FER: variants seen among roughly 807,000 people sequenced by gnomAD.
The protein encoded by FER is tyrosine-protein kinase Fer.
FER carries 63 observed loss-of-function variants against 111.0 expected under a neutral mutation model. The observed-to-expected ratio is 0.57, with a 90% CI of 0.46 to 0.70. The LOEUF is 0.70. FER is among the 30% of genes least tolerant of loss of function. The probability of loss-of-function intolerance (pLI) is 0.00; values close to 1 mark genes in which losing one functional copy is unlikely to be tolerated. For synonymous variants in FER, 327 were observed against 313.9 expected (o/e 1.04, Z -0.44); for missense variants, 914 against 954.0 (o/e 0.96, Z 0.55).
intron 3 of FER, among the ~76,000 whole-genome samples, chr5:108,817,403 C>G (rs1055665026): frequency 1.4e-4 from 21 of 152,226 alleles, no homozygotes; most frequent in African/African-American, 5.1e-4. Context: ...TGTTGTTTCA[C>G]AGAACCATTT....
At chr5:109,052,117 T>C in intron 16 of FER, 1 of 1,605,220 alleles carries the variant, frequency 6.2e-7, no homozygotes, top group South Asian at 1.1e-5. Flanking sequence ...TTGGGCAACC[T>C]TGAGTTCCTC....
intron 13 of FER, among the ~76,000 whole-genome samples, chr5:108,988,570 G>A (rs369851411): frequency 5.3e-5 from 8 of 151,974 alleles, no homozygotes; most frequent in Admixed American, 2.0e-4. Context: ...ATTTAGGTAC[G>A]TAAAGGTGTT....
chr5:109,095,154 T>A (rs896988935), intron 16 of FER, among the ~76,000 whole-genome samples: 1 of 152,094 alleles, frequency 6.6e-6, no homozygotes. Flanking sequence ...CTGAAAAGAC[T>A]GATGATATTT....
At chr5:109,029,338 C>G (rs1421239140) in intron 13 of FER, among the ~76,000 whole-genome samples, 1 of 147,862 alleles carries the variant, frequency 6.8e-6, no homozygotes, top group East Asian at 2.0e-4. Flanking sequence ...TGCTGGTGTG[C>G]TGCACCCACT....
intron 9 of FER, among the ~76,000 whole-genome samples, chr5:108,884,035 A>G (rs1295737020): frequency 6.6e-6 from 1 of 151,992 alleles, no homozygotes; most frequent in African/African-American, 2.4e-5. Context: ...TTGTGTTGGT[A>G]TACTCTTCTT....
chr5:108,954,525 A>G (rs540972209), intron 11 of FER, among the ~76,000 whole-genome samples: 11 of 152,206 alleles, frequency 7.2e-5, no homozygotes, highest in Non-Finnish European at 1.0e-4. Context: ...TATGATAGAT[A>G]AAACAAAGTG....
At position 108,954,935 on chromosome 5, in the gene FER, A is replaced by G; in HGVS notation, c.1533+3A>G. 6.2e-7 allele frequency: 1 copy of G among 1,601,824 alleles called. No individual in the cohort carries two copies. Among genetic ancestry groups the G allele is most frequent in the Non-Finnish European group, 8.5e-7 (1 of 1,173,650 alleles). Reference sequence around the variant, plus strand: ...ATTTTATCATACAATATGTTGATGTACGTTTCCAGTTTAGTTCATATGTAT... The same window carrying G: ...ATTTTATCATACAATATGTTGATGTGCGTTTCCAGTTTAGTTCATATGTAT... On this transcript the variant is annotated splice_donor_region_variant and intron_variant, in intron 12 of 19. Transcript: ENST00000281092.
At chr5:108,934,834 A>G (rs1215751735) in intron 10 of FER, among the ~76,000 whole-genome samples, 3 of 152,118 alleles carry the variant, frequency 2.0e-5, no homozygotes, top group African/African-American at 7.2e-5. Flanking sequence ...CTGACAGTGG[A>G]TTTTGGGGCA....
chr5:108,770,411 T>C (rs776514075), intron 2 of FER, among the ~76,000 whole-genome samples: 19 of 152,234 alleles, frequency 1.2e-4, no homozygotes, highest in Non-Finnish European at 2.5e-4. Context: ...CAGTCCGAAA[T>C]CTTCCCAGAC....
At chr5:108,832,675 C>A in intron 3 of FER, 95 bp from the exon 4 acceptor site, 1 of 845,702 alleles carries the variant, frequency 1.2e-6, no homozygotes, top group Non-Finnish European at 1.6e-6. Flanking sequence ...TAATAATTTA[C>A]ATAAAACTAA....
In FER at chr5:109,190,856, CCTAA is replaced by C. The variant is rs561322518; in HGVS notation, c.*3284_*3287del. 1.3e-5 allele frequency: 2 copies of C among 152,252 alleles called. No individual in the cohort carries two copies. The highest frequency in any genetic ancestry group is 1.9e-4 in the East Asian group (1 of 5,180). 9.4% of individuals were successfully genotyped at this position (152,252 alleles called of 1,614,324 possible). On this transcript the variant is annotated 3_prime_UTR_variant, in exon 20 of 20. Transcript: ENST00000281092. ...TTAGCAGATAAGTATAGACCAGGAGCCTAACTGTGTTAGATATTTTCAGTGCACA... is the reference window on the plus strand; with the variant it reads ...TTAGCAGATAAGTATAGACCAGGAGCCTGTGTTAGATATTTTCAGTGCACA...
chr5:108,810,175 T>C (rs1305125075), intron 3 of FER, among the ~76,000 whole-genome samples: 1 of 152,216 alleles, frequency 6.6e-6, no homozygotes, highest in Admixed American at 6.5e-5. Flanking sequence ...TCTTTTTGGC[T>C]CTGCCGTATG....
intron 3 of FER, among the ~76,000 whole-genome samples, chr5:108,823,786 T>A (rs1759153052): frequency 6.6e-6 from 1 of 152,216 alleles, no homozygotes; most frequent in African/African-American, 2.4e-5. Context: ...TTTGGTGCAG[T>A]CTCACTTGTT....
chr5:108,966,066 G>A (rs931982354), intron 13 of FER, among the ~76,000 whole-genome samples: 1 of 152,120 alleles, frequency 6.6e-6, no homozygotes, highest in African/African-American at 2.4e-5. Context: ...AAAAGTAATA[G>A]ACTTTAGAAA....
At chr5:108,944,346 T>C (rs566544435) in intron 10 of FER, among the ~76,000 whole-genome samples, 1 of 152,226 alleles carries the variant, frequency 6.6e-6, no homozygotes, top group African/African-American at 2.4e-5. Flanking sequence ...ACCCCTTCAT[T>C]AGTCCCCTAC....
intron 16 of FER, among the ~76,000 whole-genome samples, chr5:109,070,516 A>G (rs890504694): frequency 2.6e-5 from 4 of 152,006 alleles, no homozygotes; most frequent in African/African-American, 4.8e-5. Flanking sequence ...AGATAATAAC[A>G]TAACAGTAGC....
At chr5:109,104,752 C>CT (rs894248326) in intron 17 of FER, among the ~76,000 whole-genome samples, 7 of 150,542 alleles carry the variant, frequency 4.6e-5, no homozygotes, top group Non-Finnish European at 8.9e-5. Flanking sequence ...ATTTTTTTTT[C>CT]TTTTTTTTGA....
intron 17 of FER, among the ~76,000 whole-genome samples, chr5:109,106,179 T>A (rs891539811): frequency 2.0e-5 from 3 of 152,208 alleles, no homozygotes; most frequent in African/African-American, 7.2e-5. Context: ...ATGACTAAGC[T>A]TATATTTAAC....
chr5:109,175,207 G>A (rs981285158), intron 17 of FER, among the ~76,000 whole-genome samples: 1 of 152,176 alleles, frequency 6.6e-6, no homozygotes, highest in Non-Finnish European at 1.5e-5. Flanking sequence ...CTAAATTCAA[G>A]TCTTCCTATG....
Sources: allele counts gnomAD v4.1 joint callset (sites outside exome capture counted in the v4.1 genomes callset), GRCh38; gene constraint gnomAD v4.1.1; transcripts MANE v1.5; gene names NCBI Gene and HGNC (gene_info 2026-07-23, HGNC 2026-07-21).